RASGRP1: variants seen among roughly 807,000 people sequenced by gnomAD.
RASGRP1 encodes the protein RAS guanyl-releasing protein 1.
RASGRP1 carries 37 observed loss-of-function variants against 95.1 expected under a neutral mutation model. The observed-to-expected ratio is 0.39, with a 90% CI of 0.30 to 0.51. The LOEUF (loss-of-function observed/expected upper bound fraction) is 0.51. RASGRP1 is among the 20% of genes least tolerant of loss of function. The pLI, the probability that RASGRP1 is intolerant of heterozygous loss-of-function variation, is 0.80. For synonymous variants in RASGRP1, 325 were observed against 353.4 expected, an observed-to-expected ratio of 0.92 and a Z score of 0.90; for missense variants, 711 against 965.4, an observed-to-expected ratio of 0.74 and a Z score of 3.49.
chr15:38,532,943 A>AGTTTTTT (rs1892503281), intron 2 of RASGRP1, among the ~76,000 whole-genome samples: 3 of 152,034 alleles, frequency 2.0e-5, no homozygotes, highest in African/African-American at 7.3e-5. Flanking sequence ...CCTTGCTGAT[A>AGTTTTTT]AGAGGTGGGG....
At chr15:38,515,910 A>AGAGAGAGTGTGT (rs779224083) in intron 6 of RASGRP1, among the ~76,000 whole-genome samples, 11 of 143,548 alleles carry the variant, frequency 7.7e-5, no homozygotes, top group South Asian at 4.5e-4. Context: ...AGAGAGAGAG[A>AGAGAGAGTGTGT]GTGTGTGTGT....
chr15:38,559,797 C>A, intron 2 of RASGRP1, 24 bp downstream of exon 2: 1 of 1,601,064 alleles, frequency 6.2e-7, no homozygotes, highest in Non-Finnish European at 8.6e-7. Context: ...GATTTTTATG[C>A]CTGTGGGCAG....
chr15:38,555,609 G>T (rs1444769464), intron 2 of RASGRP1, among the ~76,000 whole-genome samples: 1 of 152,176 alleles, frequency 6.6e-6, no homozygotes, highest in Non-Finnish European at 1.5e-5. Context: ...GGGGCACAAG[G>T]CAAATTCTTT....
chr15:38,526,041 G>A (rs1035090108), intron 3 of RASGRP1, among the ~76,000 whole-genome samples: 9 of 152,068 alleles, frequency 5.9e-5, no homozygotes, highest in African/African-American at 2.2e-4. Context: ...TTACTATTAA[G>A]AGCCTGAAGA....
intron 5 of RASGRP1, among the ~76,000 whole-genome samples, chr15:38,516,647 T>TG (rs1891800042): frequency 6.6e-6 from 1 of 151,966 alleles, no homozygotes; most frequent in Admixed American, 6.6e-5. Flanking sequence ...TCAGTTTCCT[T>TG]GCCTTTGGTC....
At chr15:38,499,267 G>A (rs1247944195) in intron 14 of RASGRP1, 3 of 435,432 alleles carry the variant, frequency 6.9e-6, no homozygotes, top group Admixed American at 6.8e-5. Context: ...CAGCTGTTAG[G>A]TCTTATTTTC....
intron 2 of RASGRP1, among the ~76,000 whole-genome samples, chr15:38,543,372 C>T (rs184467855): frequency 1.5e-4 from 23 of 152,222 alleles, no homozygotes; most frequent in Non-Finnish European, 2.5e-4. Context: ...CCAGAACGTG[C>T]TATTCTGTAC....
intron 16 of RASGRP1, among the ~76,000 whole-genome samples, chr15:38,492,286 G>T (rs1890614232): frequency 6.6e-6 from 1 of 152,020 alleles, no homozygotes; most frequent in Non-Finnish European, 1.5e-5. Context: ...TTTTTCGTAT[G>T]TTTCTCTTAA....
At chr15:38,504,408 T>C (rs931458264) in intron 10 of RASGRP1, 1 of 152,228 alleles carries the variant, frequency 6.6e-6, no homozygotes, top group Non-Finnish European at 1.5e-5. Flanking sequence ...TATAGCCATA[T>C]TCTATAAACT....
At chr15:38,513,087 T>A in intron 6 of RASGRP1, 131 bp from the exon 7 acceptor site, 1 of 919,096 alleles carries the variant, frequency 1.1e-6, no homozygotes, top group Non-Finnish European at 1.5e-6. Flanking sequence ...GAGGAGCTCC[T>A]GGTGCTCTTC....
intron 3 of RASGRP1, among the ~76,000 whole-genome samples, chr15:38,523,218 C>T (rs78061408): frequency 0.027 from 4,053 of 152,208 alleles, 72 homozygotes; most frequent in Middle Eastern, 0.037. Context: ...ACATTTTGGT[C>T]CATGACGGAC....
intron 2 of RASGRP1, among the ~76,000 whole-genome samples, chr15:38,540,170 C>T (rs1892810075): frequency 6.6e-6 from 1 of 152,096 alleles, no homozygotes; most frequent in Admixed American, 6.5e-5. Context: ...TCAAGCGATC[C>T]TCCCACCTCG....
At chr15:38,522,853 T>C (rs1892054056) in intron 3 of RASGRP1, among the ~76,000 whole-genome samples, 1 of 152,180 alleles carries the variant, frequency 6.6e-6, no homozygotes, top group African/African-American at 2.4e-5. Flanking sequence ...ATTAACTCCG[T>C]AGTCTGCAGA....
At position 38,559,912 on chromosome 15, in the gene RASGRP1, G is replaced by A; in HGVS notation, c.129C>T (p.His43=). 1 of 1,613,764 alleles carries A rather than the reference G, an allele frequency of 6.2e-7. No individual in the cohort carries two copies. The highest frequency in any genetic ancestry group is 8.5e-7 in the Non-Finnish European group (1 of 1,179,710). ...ACACCATCATTCGGAACTGGGTGAT[G>A]TGGGCCAAGCTGGGATGGGAGGGGA... is the stretch of plus-strand genomic sequence containing the variant. ...SPFPSHPSLA[H]ITQFRMMVSL... Residue 43 remains histidine, a synonymous_variant, in exon 2 of 17, where the codon CAC becomes CAT. Transcript: ENST00000310803.
chr15:38,558,240 C>T (rs1893654122), intron 2 of RASGRP1, among the ~76,000 whole-genome samples: 1 of 152,036 alleles, frequency 6.6e-6, no homozygotes, highest in Admixed American at 6.6e-5. Context: ...AACAATGGCC[C>T]CACGTCAGCC....
intron 4 of RASGRP1, 57 bp from the exon 5 acceptor site, chr15:38,518,480 TGTTGG>T: frequency 6.4e-7 from 1 of 1,551,488 alleles, no homozygotes; most frequent in Non-Finnish European, 8.8e-7. Flanking sequence ...ACTCACAATT[TGTTGG>T]GTTCCAAAAG....
intron 15 of RASGRP1, among the ~76,000 whole-genome samples, chr15:38,496,606 C>T (rs1890800679): frequency 6.6e-6 from 1 of 152,144 alleles, no homozygotes; most frequent in Non-Finnish European, 1.5e-5. Context: ...TTTGTGATTT[C>T]TATTAAAAGT....
intron 6 of RASGRP1, among the ~76,000 whole-genome samples, chr15:38,513,305 C>G (rs985716115): frequency 6.6e-6 from 1 of 152,192 alleles, no homozygotes; most frequent in African/African-American, 2.4e-5. Context: ...AGTATTGCTG[C>G]TAAGGTTAAG....
At chr15:38,501,333 G>C (rs757506445) in intron 12 of RASGRP1, 46 bp from the exon 13 acceptor site, 1 of 1,602,270 alleles carries the variant, frequency 6.2e-7, no homozygotes, top group Admixed American at 1.7e-5. Flanking sequence ...AAGGGGCATG[G>C]AGGCAGGTAG....
Sources: gnomAD v4.1 joint callset for allele counts (sites outside exome capture counted in the v4.1 genomes callset) on GRCh38, gnomAD v4.1.1 for gene constraint, MANE v1.5 for transcripts, NCBI Gene and HGNC (gene_info 2026-07-23, HGNC 2026-07-21) for gene names.